The following DPP10 variants were observed in gnomAD, a reference collection of about 807,000 sequenced individuals.
DPP10 encodes inactive dipeptidyl peptidase 10.
DPP10 carries 33 observed loss-of-function variants against 120.9 expected under a neutral mutation model. The ratio of observed to expected loss-of-function variants is 0.27; its 90% confidence interval spans 0.21 to 0.37. The LOEUF (loss-of-function observed/expected upper bound fraction) is 0.37, where lower values mean the gene tolerates loss of function less well. DPP10 is among the 10% of genes least tolerant of loss of function. The probability of loss-of-function intolerance (pLI) is 1.00; values close to 1 mark genes in which losing one functional copy is unlikely to be tolerated. For missense variants in DPP10, 816 were observed against 942.8 expected (o/e 0.87, Z 1.76); for synonymous variants, 337 against 326.1 (o/e 1.03, Z -0.36).
At chr2:115,389,207 C>T (rs2067157936) in intron 3 of DPP10, among the ~76,000 whole-genome samples, 1 of 151,906 alleles carries the variant, frequency 6.6e-6, no homozygotes, top group African/African-American at 2.4e-5. Context: ...AAACAAAGTG[C>T]ACACAGCTGC....
chr2:115,683,872 C>T (rs1011703230), intron 5 of DPP10, among the ~76,000 whole-genome samples: 1 of 151,630 alleles, frequency 6.6e-6, no homozygotes, highest in East Asian at 1.9e-4. Context: ...GTAGAAAAGC[C>T]ATGGATTTCA....
rs561815410 is a variant in DPP10 at position 114,594,457 on chromosome 2, C to T, written c.60+151619C>T. On this transcript the variant is annotated intron_variant, in intron 1 of 25. Coordinates refer to ENST00000410059, the MANE Select transcript of DPP10 (RefSeq NM_020868.6). ...AAGGGAGCTTATATGTGAACACATA[C>T]ATATGTAAAAGGGAGTTTATTATAT... Among the ~76,000 whole-genome samples, 9 of 147,180 alleles carry T rather than the reference C, an allele frequency of 6.1e-5. No homozygotes were observed. The East Asian group carries it at 1.2e-3, about 19-fold the overall frequency.
chr2:115,514,216 A>C (rs2077380815), intron 4 of DPP10, among the ~76,000 whole-genome samples: 1 of 151,910 alleles, frequency 6.6e-6, no homozygotes, highest in African/African-American at 2.4e-5. Flanking sequence ...TGTCAACTTG[A>C]CTATGATCTA....
intron 1 of DPP10, among the ~76,000 whole-genome samples, chr2:114,768,046 T>C (rs919941630): frequency 6.7e-6 from 1 of 150,316 alleles, no homozygotes; most frequent in African/African-American, 2.5e-5. Flanking sequence ...AGGAATCTCT[T>C]GAACCCAGGA....
intron 1 of DPP10, among the ~76,000 whole-genome samples, chr2:115,075,901 G>T (rs1707748516): frequency 6.6e-6 from 1 of 152,120 alleles, no homozygotes. Context: ...GTTCAAAAGT[G>T]CTTTGGTAAT....
At chr2:115,516,853 T>G (rs753381708) in intron 4 of DPP10, among the ~76,000 whole-genome samples, 39 of 152,272 alleles carry the variant, frequency 2.6e-4, no homozygotes, top group Middle Eastern at 3.4e-3. Flanking sequence ...TATCAAAAAA[T>G]ATTGTTGATA....
At chr2:114,838,926 T>C (rs1157578712) in intron 1 of DPP10, among the ~76,000 whole-genome samples, 2 of 152,216 alleles carry the variant, frequency 1.3e-5, no homozygotes, top group Non-Finnish European at 2.9e-5. Flanking sequence ...TTAACATCTC[T>C]AAGAATATGT....
At chr2:115,605,212 A>G (rs1033405221) in intron 5 of DPP10, among the ~76,000 whole-genome samples, 1 of 152,104 alleles carries the variant, frequency 6.6e-6, no homozygotes, top group Non-Finnish European at 1.5e-5. Context: ...AATTTTTGGG[A>G]TGTCACAAGG....
At chr2:114,620,015 T>C (rs1020468186) in intron 1 of DPP10, among the ~76,000 whole-genome samples, 24 of 151,990 alleles carry the variant, frequency 1.6e-4, no homozygotes, top group African/African-American at 5.8e-4. Context: ...AATTATTACT[T>C]AAAAAGGTCC....
At chr2:114,790,652 C>T (rs1258264089) in intron 1 of DPP10, among the ~76,000 whole-genome samples, 1 of 151,610 alleles carries the variant, frequency 6.6e-6, no homozygotes, top group Admixed American at 6.6e-5. Context: ...GGGGTTTGTT[C>T]TCTGGCGGGC....
chr2:114,742,335 GAGA>G (rs1678145976), intron 1 of DPP10, among the ~76,000 whole-genome samples: 1 of 152,142 alleles, frequency 6.6e-6, no homozygotes, highest in East Asian at 1.9e-4. Flanking sequence ...AAAAGAAAAG[GAGA>G]AGAAGAAAAA....
chr2:115,784,975 T>C (rs926906222), intron 17 of DPP10, among the ~76,000 whole-genome samples: 1 of 152,192 alleles, frequency 6.6e-6, no homozygotes, highest in African/African-American at 2.4e-5. Flanking sequence ...TAAGTACATT[T>C]TAATGGAATA....
intron 5 of DPP10, among the ~76,000 whole-genome samples, chr2:115,544,486 G>A (rs2079376461): frequency 6.6e-6 from 1 of 152,018 alleles, no homozygotes; most frequent in African/African-American, 2.4e-5. Flanking sequence ...TGGGAAATAT[G>A]AGCAACCTGG....
intron 1 of DPP10, among the ~76,000 whole-genome samples, chr2:115,239,749 C>G (rs1298734659): frequency 6.6e-6 from 1 of 152,110 alleles, no homozygotes; most frequent in Non-Finnish European, 1.5e-5. Flanking sequence ...CTATCCCTCT[C>G]CTAGCCCCCC....
At chr2:115,800,717 G>C (rs1001988304) in intron 19 of DPP10, among the ~76,000 whole-genome samples, 38 of 152,124 alleles carry the variant, frequency 2.5e-4, no homozygotes, top group South Asian at 8.3e-4. Flanking sequence ...GCTTGTTTTT[G>C]TCAGGTTTGT....
At chr2:115,297,350 T>C in intron 1 of DPP10, 1 of 312,284 alleles carries the variant, frequency 3.2e-6, no homozygotes, top group Non-Finnish European at 6.7e-6. Flanking sequence ...CCAAGTTTAC[T>C]ATTTTCTATC....
At chr2:115,342,534 G>A (rs978651842) in intron 2 of DPP10, among the ~76,000 whole-genome samples, 1 of 152,066 alleles carries the variant, frequency 6.6e-6, no homozygotes, top group African/African-American at 2.4e-5. Flanking sequence ...TATATGTTTT[G>A]TTAAGCATGT....
chr2:115,607,865 T>TCCCC (rs1236735529), intron 5 of DPP10, among the ~76,000 whole-genome samples: 1 of 152,144 alleles, frequency 6.6e-6, no homozygotes, highest in Non-Finnish European at 1.5e-5. Context: ...CCAGAATCAA[T>TCCCC]ATGTAGAAAC....
At chr2:114,751,150 A>C (rs895815956) in intron 1 of DPP10, among the ~76,000 whole-genome samples, 2 of 152,214 alleles carry the variant, frequency 1.3e-5, no homozygotes, top group East Asian at 3.9e-4. Flanking sequence ...TTAAATAACG[A>C]ATTTTAATAA....
Sources: allele counts gnomAD v4.1 joint callset (sites outside exome capture counted in the v4.1 genomes callset), GRCh38; gene constraint gnomAD v4.1.1; transcripts MANE v1.5; gene names NCBI Gene and HGNC (gene_info 2026-07-23, HGNC 2026-07-21).